MAP2K6: variants seen among roughly 807,000 people sequenced by gnomAD.
MAP2K6 encodes mitogen-activated protein kinase kinase 6.
In MAP2K6, 16 loss-of-function variants were observed where a neutral mutation model predicts 53.7. That is an observed-to-expected ratio of 0.30 (90% CI 0.20 to 0.45). The LOEUF (loss-of-function observed/expected upper bound fraction) is 0.45, where lower values mean the gene tolerates loss of function less well. Ranked by LOEUF, MAP2K6 falls within the 20% of genes least tolerant of loss-of-function variation. MAP2K6 has a pLI of 1.00. For missense variants in MAP2K6, 204 were observed against 411.9 expected (o/e 0.50, Z 4.37); for synonymous variants, 132 against 143.1 (o/e 0.92, Z 0.55).
chr17:69,467,073 G>A (rs1475267208), intron 1 of MAP2K6, among the ~76,000 whole-genome samples: 1 of 151,960 alleles, frequency 6.6e-6, no homozygotes, highest in Non-Finnish European at 1.5e-5. Flanking sequence ...AATGACTCAT[G>A]AACTGGTAAT....
intron 1 of MAP2K6, among the ~76,000 whole-genome samples, chr17:69,454,194 GA>G (rs911982308): frequency 2.2e-4 from 34 of 152,318 alleles, no homozygotes; most frequent in Middle Eastern, 3.4e-3. Context: ...TTTCTAGCCA[GA>G]AGCGCTTCCT....
intron 2 of MAP2K6, among the ~76,000 whole-genome samples, chr17:69,512,755 C>T (rs1333143221): frequency 6.6e-6 from 1 of 152,062 alleles, no homozygotes; most frequent in Non-Finnish European, 1.5e-5. Flanking sequence ...GTAATAACAC[C>T]TCTGAGAGTT....
At chr17:69,462,508 C>T (rs1000092565) in intron 1 of MAP2K6, among the ~76,000 whole-genome samples, 1 of 152,132 alleles carries the variant, frequency 6.6e-6, no homozygotes, top group African/African-American at 2.4e-5. Context: ...GTCCCATTTC[C>T]ACCCCATTTG....
intron 2 of MAP2K6, 35 bp downstream of exon 2, chr17:69,505,881 C>T: frequency 6.3e-7 from 1 of 1,579,970 alleles, no homozygotes; most frequent in Non-Finnish European, 8.7e-7. Flanking sequence ...AATCCAAATC[C>T]TTGTGCTTTC....
Position 69,517,562 on chromosome 17 carries a change from G to A in MAP2K6, c.195G>A (p.Gly65=). 1 of 1,610,608 alleles carries A rather than the reference G, an allele frequency of 6.2e-7. No homozygotes were observed. The highest frequency in any genetic ancestry group is 1.1e-5 in the South Asian group (1 of 90,694). The change falls in exon 4 of 12, where the codon GGG becomes GGA. Residue 65 remains glycine, a synonymous_variant. Coordinates refer to ENST00000590474, the MANE Select transcript of MAP2K6 (RefSeq NM_002758.4). ...PIMELGRGAY[G]VVEKMRHVPS... ...TGGAACTGGGACGAGGTGCGTACGGGGTGGTGGAGAAGATGCGGCACGTGC... is the reference window on the plus strand; with the variant it reads ...TGGAACTGGGACGAGGTGCGTACGGAGTGGTGGAGAAGATGCGGCACGTGC...
In MAP2K6 at chr17:69,548,023, C is replaced by T. The variant is rs1039857006; in HGVS notation, c.*6270C>T. On this transcript the variant is annotated 3_prime_UTR_variant, in exon 12 of 12. Transcript: ENST00000590474. ...AGTTCTTAACCTTTTTCAACTTAGC[C>T]ACCTCAATTATTTGTTCACATTTTA... 6.6e-6 allele frequency: 1 copy of T among 152,104 alleles called. No individual in the cohort carries two copies. Among genetic ancestry groups the T allele is most frequent in the South Asian group, 2.1e-4 (1 of 4,814 alleles). 9.4% of individuals were successfully genotyped at this position (152,104 alleles called of 1,614,324 possible).
At chr17:69,488,667 T>G (rs1354456159) in intron 1 of MAP2K6, among the ~76,000 whole-genome samples, 1 of 152,180 alleles carries the variant, frequency 6.6e-6, no homozygotes, top group Non-Finnish European at 1.5e-5. Context: ...AAGCGAGTAC[T>G]GCATGCTCTC....
At chr17:69,525,567 C>G (rs1910726189) in intron 9 of MAP2K6, among the ~76,000 whole-genome samples, 1 of 152,184 alleles carries the variant, frequency 6.6e-6, no homozygotes, top group Non-Finnish European at 1.5e-5. Flanking sequence ...GCCTCACGAT[C>G]ATGGCGGAAG....
chr17:69,506,550 TAGAG>T (rs1357824854), intron 2 of MAP2K6, among the ~76,000 whole-genome samples: 1 of 152,136 alleles, frequency 6.6e-6, no homozygotes, highest in Non-Finnish European at 1.5e-5. Context: ...ATAGAGGTGT[TAGAG>T]AGACAGGGCA....
At chr17:69,485,507 C>T (rs188347712) in intron 1 of MAP2K6, 140 of 967,186 alleles carry the variant, frequency 1.4e-4, no homozygotes, top group African/African-American at 7.6e-4. Flanking sequence ...TTTGAAACTA[C>T]GGGAACTCCT....
chr17:69,440,016 T>C (rs1248947333), intron 1 of MAP2K6, among the ~76,000 whole-genome samples: 4 of 152,186 alleles, frequency 2.6e-5, no homozygotes, highest in Non-Finnish European at 5.9e-5. Flanking sequence ...GGCATATAGT[T>C]GGAAAGAATC....
intron 1 of MAP2K6, among the ~76,000 whole-genome samples, chr17:69,456,818 C>CTTTG (rs1907424256): frequency 6.6e-6 from 1 of 152,192 alleles, no homozygotes; most frequent in African/African-American, 2.4e-5. Flanking sequence ...TTTCATCACT[C>CTTTG]TACAAATCCC....
chr17:69,534,820 C>T (rs753151075), intron 10 of MAP2K6, among the ~76,000 whole-genome samples: 5 of 152,144 alleles, frequency 3.3e-5, no homozygotes, highest in East Asian at 1.9e-4. Context: ...CCAGGCAAAG[C>T]TCCTTTCCAT....
intron 1 of MAP2K6, among the ~76,000 whole-genome samples, chr17:69,486,581 C>G (rs1908545460): frequency 1.3e-5 from 2 of 152,080 alleles, no homozygotes; most frequent in African/African-American, 4.8e-5. Context: ...GGACTAAGAG[C>G]CCTTTACTTT....
intron 1 of MAP2K6, among the ~76,000 whole-genome samples, chr17:69,452,028 A>C (rs1255515312): frequency 2.0e-5 from 3 of 152,126 alleles, no homozygotes; most frequent in African/African-American, 4.8e-5. Context: ...CTAAAGTAGC[A>C]GCGGTGGGGA....
At chr17:69,508,417 T>A (rs919983335) in intron 2 of MAP2K6, among the ~76,000 whole-genome samples, 2 of 152,196 alleles carry the variant, frequency 1.3e-5, no homozygotes, top group African/African-American at 4.8e-5. Flanking sequence ...ATGTAGAATA[T>A]GTTTTTAGGT....
chr17:69,519,403 G>T lies in MAP2K6; in HGVS notation c.337G>T (p.Val113Phe). ...GAGGACGGTGGACTGTCCATTCACT[G>T]TCACCTTTTATGGCGCACTGTTTCG... ...SMRTVDCPFT[V>F]TFYGALFREG... The change falls in exon 5 of 12, where the codon GTC (valine) becomes TTC (phenylalanine). Residue 113 changes from valine to phenylalanine, a missense_variant. Physicochemically the swap from Val to Phe is conservative, Grantham distance 50. Coordinates refer to ENST00000590474, the MANE Select transcript of MAP2K6 (RefSeq NM_002758.4). 1 of 1,614,172 alleles carries T rather than the reference G, an allele frequency of 6.2e-7. No individual in the cohort carries two copies. The highest frequency in any genetic ancestry group is 8.5e-7 in the Non-Finnish European group (1 of 1,179,996).
intron 1 of MAP2K6, among the ~76,000 whole-genome samples, chr17:69,499,802 G>A (rs1362568865): frequency 6.6e-6 from 1 of 152,202 alleles, no homozygotes; most frequent in Non-Finnish European, 1.5e-5. Context: ...AGGTTTGCGG[G>A]AAATGAGTGG....
At chr17:69,531,543 G>A (rs114527484) in intron 10 of MAP2K6, among the ~76,000 whole-genome samples, 1,695 of 152,258 alleles carry the variant, frequency 0.011, 29 homozygotes, top group African/African-American at 0.039. Flanking sequence ...AAGTAGAAAA[G>A]CTCTAACAGG....
Sources: allele counts gnomAD v4.1 joint callset (sites outside exome capture counted in the v4.1 genomes callset), GRCh38; gene constraint gnomAD v4.1.1; transcripts MANE v1.5; gene names NCBI Gene and HGNC (gene_info 2026-07-23, HGNC 2026-07-21).